The following RNF8 variants were observed in gnomAD, a reference collection of about 807,000 sequenced individuals.
RNF8 encodes the protein ring finger protein 8.
RNF8 carries 8 observed loss-of-function variants against 59.3 expected under a neutral mutation model. That is an observed-to-expected ratio of 0.13 (90% CI 0.08 to 0.24). RNF8 has a LOEUF of 0.24. Among genes scored for constraint, RNF8 ranks in the 10% least tolerant of loss-of-function variants. The pLI is 1.00. For synonymous variants in RNF8, 162 were observed against 200.0 expected (o/e 0.81, Z 1.60); for missense variants, 406 against 572.6 (o/e 0.71, Z 2.97).
At chr6:37,355,503 T>C in intron 1 of RNF8, among the ~76,000 whole-genome samples, 1 of 152,184 alleles carries the variant, frequency 6.6e-6, no homozygotes, top group Non-Finnish European at 1.5e-5. Context: ...ATTTATACAA[T>C]GAAGCAGTCA....
At position 37,354,111 on chromosome 6, in the gene RNF8, G is replaced by C; in HGVS notation, c.-54G>C. 1 of 1,465,216 alleles carries C rather than the reference G, an allele frequency of 6.8e-7. No individual in the cohort carries two copies. The highest frequency in any genetic ancestry group is 9.4e-7 in the Non-Finnish European group (1 of 1,068,356). 90.8% of individuals were successfully genotyped at this position (1,465,216 alleles called of 1,614,324 possible). A position where few individuals can be genotyped will look rare whatever the true frequency, so the allele number is the denominator to read the frequency against. On this transcript the variant is annotated 5_prime_UTR_variant, in exon 1 of 8. Transcript: ENST00000373479. ...CTGAGGGGATGCACAGAGGCAGCCAGAACCTAGGTCAGGGTCTCGCTCGGT... is the reference window on the plus strand; with the variant it reads ...CTGAGGGGATGCACAGAGGCAGCCACAACCTAGGTCAGGGTCTCGCTCGGT...
intron 2 of RNF8, among the ~76,000 whole-genome samples, chr6:37,362,611 A>G (rs1009792663): frequency 2.0e-5 from 3 of 152,186 alleles, no homozygotes; most frequent in Non-Finnish European, 4.4e-5. Context: ...TTGACTACAG[A>G]TGCCCCCTTT....
intron 1 of RNF8, among the ~76,000 whole-genome samples, chr6:37,355,947 C>T (rs553338938): frequency 2.9e-4 from 44 of 152,304 alleles, no homozygotes; most frequent in African/African-American, 9.4e-4. Flanking sequence ...AATCTGATCC[C>T]TGCATACACA....
At position 37,381,295 on chromosome 6, in the gene RNF8, T is replaced by G. The variant is rs1255807878; in HGVS notation, c.1382T>G (p.Val461Gly). 6.2e-7 allele frequency: 1 copy of G among 1,614,122 alleles called. No individual in the cohort carries two copies. The highest frequency in any genetic ancestry group is 1.1e-5 in the South Asian group (1 of 91,078). ...LVLDNCINKM[V>G]NNLSSEVKER... ...CTGGACAATTGCATTAATAAGATGG[T>G]AAATAATCTGAGCTCAGAAGTGAAA... is the stretch of plus-strand genomic sequence containing the variant. Residue 461 changes from valine (V) to glycine (G), a missense_variant, in exon 7 of 8, where the codon GTA (valine) becomes GGA (glycine). Coordinates refer to ENST00000373479, the MANE Select transcript of RNF8 (RefSeq NM_003958.4).
intron 4 of RNF8, among the ~76,000 whole-genome samples, chr6:37,372,837 C>T (rs573361835): frequency 1.6e-4 from 25 of 152,248 alleles, no homozygotes; most frequent in African/African-American, 5.5e-4. Flanking sequence ...GGCGTGGTGG[C>T]GCATGCCTGT....
At chr6:37,376,428 G>A (rs557274760) in intron 5 of RNF8, among the ~76,000 whole-genome samples, 1 of 152,284 alleles carries the variant, frequency 6.6e-6, no homozygotes, top group East Asian at 1.9e-4. Flanking sequence ...CACAGTACTG[G>A]AGGTTGGGAA....
At chr6:37,354,704 T>G (rs1581657503) in intron 1 of RNF8, among the ~76,000 whole-genome samples, 1 of 90,196 alleles carries the variant, frequency 1.1e-5, no homozygotes, top group Non-Finnish European at 2.2e-5. Flanking sequence ...CGTGAGGAGA[T>G]GCGGGGGTGT....
chr6:37,382,168 C>T (rs1358095179), intron 7 of RNF8, among the ~76,000 whole-genome samples: 1 of 152,138 alleles, frequency 6.6e-6, no homozygotes, highest in Non-Finnish European at 1.5e-5. Context: ...ACGGCACAAA[C>T]AGTCTGGCGG....
chr6:37,366,770 A>G lies in RNF8; in HGVS notation c.241-1714A>G, dbSNP rs942582752. On this transcript the variant is annotated intron_variant, in intron 2 of 7. Coordinates refer to ENST00000373479, the MANE Select transcript of RNF8 (RefSeq NM_003958.4). The stretch of plus-strand genomic sequence containing the variant: ...AGTGTAAACATAAATCTTGGTCCCA[A>G]TTCAGAAGTGAGCTTCATCTCTGGC... Among the ~76,000 whole-genome samples the G allele has an allele frequency of 7.2e-5, 11 of 152,292 alleles. No individual in the cohort carries two copies. In the East Asian group the frequency reaches 1.3e-3, roughly 19 times the overall value.
intron 6 of RNF8, among the ~76,000 whole-genome samples, chr6:37,380,694 A>G (rs972940095): frequency 6.7e-6 from 1 of 150,328 alleles, no homozygotes; most frequent in Non-Finnish European, 1.5e-5. Context: ...AAAATTCCCC[A>G]ACCCTAAAAA....
intron 4 of RNF8, among the ~76,000 whole-genome samples, chr6:37,371,793 C>CG (rs1769816874): frequency 6.6e-6 from 1 of 152,174 alleles, no homozygotes; most frequent in African/African-American, 2.4e-5. Flanking sequence ...TTTGTCTGAG[C>CG]AGAAGTTGCT....
intron 7 of RNF8, among the ~76,000 whole-genome samples, chr6:37,389,376 G>A (rs1430526915): frequency 6.6e-6 from 1 of 151,796 alleles, no homozygotes; most frequent in African/African-American, 2.4e-5. Context: ...AGTATGAGGT[G>A]AGGAAGTACA....
chr6:37,367,588 G>A lies in RNF8; in HGVS notation c.241-896G>A, dbSNP rs1769612350. On this transcript the variant is annotated intron_variant, in intron 2 of 7. Transcript: ENST00000373479. ...CTGGCTAATTTTTGTATTTTTAGTA[G>A]AGAGGTGGTCTCACTGTGTTGGCCA... Among the ~76,000 whole-genome samples the A allele has an allele frequency of 2.0e-5, 3 of 152,174 alleles. No individual in the cohort carries two copies. The South Asian group carries it at 6.2e-4, about 32-fold the overall frequency.
intron 4 of RNF8, among the ~76,000 whole-genome samples, chr6:37,373,164 A>G (rs1226474530): frequency 6.6e-6 from 1 of 152,096 alleles, no homozygotes; most frequent in Non-Finnish European, 1.5e-5. Flanking sequence ...TTCCTCTCCA[A>G]TCTCCAAGAA....
At chr6:37,380,363 CAT>C (rs2113830353) in intron 6 of RNF8, among the ~76,000 whole-genome samples, 1 of 152,202 alleles carries the variant, frequency 6.6e-6, no homozygotes, top group South Asian at 2.1e-4. Flanking sequence ...AATTGTCTAA[CAT>C]AAAGCTTAAA....
chr6:37,360,633 T>G lies in RNF8; in HGVS notation c.240+59T>G. 1.3e-6 allele frequency: 2 copies of G among 1,515,180 alleles called. No individual in the cohort carries two copies. The highest frequency in any genetic ancestry group is 2.6e-5 in the South Asian group (2 of 78,412). The allele number at this position is 1,515,180 out of a possible 1,614,324, so 93.9% of individuals were successfully genotyped here. A position where few individuals can be genotyped will look rare whatever the true frequency, so the allele number is the denominator to read the frequency against. ...TTTGTTTTTAAATTACTTTTTTTTT[T>G]TTTTGCATAGGTAATTCATGGTATA... On this transcript the variant is annotated intron_variant, in intron 2 of 7. Transcript: ENST00000373479. The surrounding 1 kb of genome is among the most constrained non-coding windows in gnomAD (Gnocchi z 4.2).
At chr6:37,390,632 C>T in intron 7 of RNF8, 110 bp from the exon 8 acceptor site, 1 of 740,232 alleles carries the variant, frequency 1.4e-6, no homozygotes, top group East Asian at 2.5e-5. Context: ...TCTCAGTTCG[C>T]TATGGCTGCT....
intron 7 of RNF8, among the ~76,000 whole-genome samples, chr6:37,382,480 G>A (rs909203715): frequency 2.0e-5 from 3 of 152,112 alleles, no homozygotes; most frequent in African/African-American, 4.8e-5. Flanking sequence ...AAGTATCTAC[G>A]GAGGCTTTGT....
intron 2 of RNF8, among the ~76,000 whole-genome samples, chr6:37,361,856 A>G (rs1418141870): frequency 5.9e-5 from 9 of 152,228 alleles, no homozygotes; most frequent in Non-Finnish European, 1.3e-4. Context: ...TGAGCAGGAT[A>G]AAAATTGGCA....
Sources: gnomAD v4.1 joint callset for allele counts (sites outside exome capture counted in the v4.1 genomes callset) on GRCh38, gnomAD v4.1.1 for gene constraint, Gnocchi (gnomAD v3.1) non-coding constraint, MANE v1.5 for transcripts, NCBI Gene and HGNC (gene_info 2026-07-23, HGNC 2026-07-21) for gene names.